The following ANKRD28 variants were observed in gnomAD, a reference collection of about 807,000 sequenced individuals.
ANKRD28 encodes the protein ankyrin repeat domain 28, also known as serine/threonine-protein phosphatase 6 regulatory ankyrin repeat subunit A.
ANKRD28 carries 44 observed loss-of-function variants against 126.5 expected under a neutral mutation model. That is an observed-to-expected ratio of 0.35 (90% CI 0.27 to 0.45). The LOEUF (loss-of-function observed/expected upper bound fraction) is 0.45. ANKRD28 is among the 20% of genes least tolerant of loss of function. The pLI, the probability that ANKRD28 is intolerant of heterozygous loss-of-function variation, is 1.00. For missense variants in ANKRD28, 1,110 were observed against 1,316.6 expected (o/e 0.84, Z 2.43); for synonymous variants, 442 against 468.5 (o/e 0.94, Z 0.73).
chr3:15,747,881 G>C (rs546320674), intron 4 of ANKRD28, among the ~76,000 whole-genome samples: 2 of 152,228 alleles, frequency 1.3e-5, no homozygotes, highest in Admixed American at 1.3e-4. Context: ...CCAGTGTTAG[G>C]AGCATACATA....
intron 18 of ANKRD28, among the ~76,000 whole-genome samples, chr3:15,688,131 T>C (rs116319857): frequency 1.9e-3 from 287 of 150,136 alleles, no homozygotes; most frequent in African/African-American, 6.5e-3. Flanking sequence ...AGGGACTGGC[T>C]AATGTCTCAG....
chr3:15,759,945 C>T (rs2058364971), intron 3 of ANKRD28, among the ~76,000 whole-genome samples: 1 of 152,150 alleles, frequency 6.6e-6, no homozygotes, highest in South Asian at 2.1e-4. Flanking sequence ...TAACCTCACA[C>T]TGCATAAGAA....
At chr3:15,779,102 A>G (rs547432540) in intron 2 of ANKRD28, among the ~76,000 whole-genome samples, 1 of 152,284 alleles carries the variant, frequency 6.6e-6, no homozygotes, top group East Asian at 1.9e-4. Flanking sequence ...TTCATAGCAG[A>G]GGGAGAACAA....
At chr3:15,713,929 C>T (rs186199421) in intron 9 of ANKRD28, among the ~76,000 whole-genome samples, 5 of 152,264 alleles carry the variant, frequency 3.3e-5, no homozygotes, top group South Asian at 2.1e-4. Context: ...AAATTAAACA[C>T]GTTTCTTTAG....
At chr3:15,695,510 G>A (rs573926539) in intron 15 of ANKRD28, among the ~76,000 whole-genome samples, 14 of 152,146 alleles carry the variant, frequency 9.2e-5, no homozygotes, top group African/African-American at 3.1e-4. Context: ...ATCTACGCTC[G>A]TTGAATTTTA....
intron 27 of ANKRD28, among the ~76,000 whole-genome samples, chr3:15,673,581 G>C (rs2066598734): frequency 6.6e-6 from 1 of 151,750 alleles, no homozygotes; most frequent in Non-Finnish European, 1.5e-5. Flanking sequence ...GGAAAGAGTG[G>C]AGCAGGTTAA....
In ANKRD28 at chr3:15,814,335, G is replaced by C. The variant is rs547070140; in HGVS notation, c.28-19029C>G. 5 of 1,238,100 alleles carry C rather than the reference G, an allele frequency of 4.0e-6. No individual in the cohort carries two copies. In the Admixed American group the frequency reaches 1.0e-4, roughly 25 times the overall value. The allele number at this position is 1,238,100 out of a possible 1,614,324, so 76.7% of individuals were successfully genotyped here. ...CTGTAGCAGAAAACAGATATCAAAA[G>C]AAAGAATACGCTGATCCTAGAAATT... is the stretch of plus-strand genomic sequence containing the variant. On this transcript the variant is annotated intron_variant, in intron 1 of 27. Transcript: ENST00000399451. The surrounding 1 kb of genome is among the most constrained non-coding windows in gnomAD (Gnocchi z 4.7).
intron 21 of ANKRD28, among the ~76,000 whole-genome samples, chr3:15,682,958 A>C (rs997982655): frequency 2.0e-5 from 3 of 152,240 alleles, no homozygotes; most frequent in African/African-American, 7.2e-5. Context: ...CCAGGCATGC[A>C]GTTCTTGCAA....
intron 6 of ANKRD28, among the ~76,000 whole-genome samples, chr3:15,728,162 T>A (rs1171770694): frequency 6.6e-6 from 1 of 151,846 alleles, no homozygotes; most frequent in Admixed American, 6.6e-5. Context: ...CATTTTTTTT[T>A]AGCAATAACA....
chr3:15,822,046 A>C (rs897346883), intron 1 of ANKRD28, among the ~76,000 whole-genome samples: 1 of 152,220 alleles, frequency 6.6e-6, no homozygotes, highest in Admixed American at 6.5e-5. Flanking sequence ...TGCATATGAA[A>C]ATAAAGGTTT....
At chr3:15,784,171 TTA>T (rs1242218280) in intron 2 of ANKRD28, among the ~76,000 whole-genome samples, 4 of 151,848 alleles carry the variant, frequency 2.6e-5, no homozygotes, top group Non-Finnish European at 5.9e-5. Flanking sequence ...AAGAAAAATG[TTA>T]TAGTCAGAAA....
At position 15,814,067 on chromosome 3, in the gene ANKRD28, G is replaced by C. The variant is rs80027796; in HGVS notation, c.28-18761C>G. On this transcript the variant is annotated intron_variant, in intron 1 of 27. Coordinates refer to the ANKRD28 transcript ENST00000399451. This position sits in a 1 kb window ranked among gnomAD's most constrained non-coding sequence, Gnocchi z 4.7. ...TATACTAAGTCTTCCACTAACACAGGGTCCACTACTATAAATGTTTCTACA... is the reference window on the plus strand; with the variant it reads ...TATACTAAGTCTTCCACTAACACAGCGTCCACTACTATAAATGTTTCTACA... Among the ~76,000 whole-genome samples the C allele has an allele frequency of 6.6e-6, 1 of 151,900 alleles. No individual in the cohort carries two copies. The highest frequency in any genetic ancestry group is 1.5e-5 in the Non-Finnish European group (1 of 68,000).
At chr3:15,859,488 A>G (rs2061858661) in exon 1 of ANKRD28, 3 of 1,303,046 alleles carry the variant, frequency 2.3e-6, no homozygotes, top group Admixed American at 4.5e-5. Flanking sequence ...CTCCCGCCCC[A>G]GTAGCCTTGG....
At chr3:15,680,658 TTTTTA>T (rs1419798120) in intron 21 of ANKRD28, among the ~76,000 whole-genome samples, 11 of 152,286 alleles carry the variant, frequency 7.2e-5, no homozygotes, top group Non-Finnish European at 1.5e-4. Flanking sequence ...TTCTGGTATT[TTTTTA>T]TTTTATTAAA....
At chr3:15,798,214 GCTTAACTGCTTT>G, upstream of ANKRD28, 11 of 966,568 alleles carry the variant, frequency 1.1e-5, no homozygotes, top group South Asian at 4.8e-5. Context: ...ATTCCAAACG[GCTTAACTGCTTT>G]CGTGTGTTAC....
chr3:15,679,546 C>T lies in ANKRD28; in HGVS notation c.2407G>A (p.Glu803Lys). ...ACYNGHETCV[E>K]LLLEQEVFQK... ...AAAACTTCCTGTTCTAAAAGCAGTT[C>T]TACACATGTCTCGTGACCTAAATAG... is the stretch of plus-strand genomic sequence containing the variant. Residue 803 changes from glutamate (E) to lysine (K), a missense_variant, in exon 22 of 28, where the codon GAA becomes AAA. By Grantham distance (56) the Glu-to-Lys change is moderately conservative. Transcript: ENST00000683139. 6.2e-7 allele frequency: 1 copy of T among 1,612,186 alleles called. No homozygotes were observed. The highest frequency in any genetic ancestry group is 1.1e-5 in the South Asian group (1 of 90,892).
chr3:15,706,734 C>T (rs1376894918), intron 14 of ANKRD28, among the ~76,000 whole-genome samples: 2 of 152,190 alleles, frequency 1.3e-5, no homozygotes, highest in Non-Finnish European at 1.5e-5. Context: ...TATTTCTCCA[C>T]ATCCTCTCCA....
intron 1 of ANKRD28, among the ~76,000 whole-genome samples, chr3:15,804,222 A>ATACAAGATAAAAGACAG (rs2060527426): frequency 6.9e-6 from 1 of 144,918 alleles, no homozygotes; most frequent in Non-Finnish European, 1.5e-5. Context: ...CCAGTACAAG[A>ATACAAGATAAAAGACAG]TAAAAGACAG....
rs566459889 is a variant in ANKRD28, at chr3:15,852,702, G to A, written c.27+6675C>T. Among the ~76,000 whole-genome samples, 5 of 151,782 alleles carry A rather than the reference G, an allele frequency of 3.3e-5. No individual in the cohort carries two copies. In the South Asian group the frequency reaches 1.0e-3, roughly 32 times the overall value. On this transcript the variant is annotated intron_variant, in intron 1 of 27. Coordinates refer to the ANKRD28 transcript ENST00000399451. The stretch of plus-strand genomic sequence containing the variant: ...CAAAAAATTAGCCAGGCATGGTGGC[G>A]GGTGCCTGTAATCCCAGCTATTTGG...
Sources: allele counts gnomAD v4.1 joint callset (sites outside exome capture counted in the v4.1 genomes callset), GRCh38; gene constraint gnomAD v4.1.1; non-coding constraint Gnocchi (gnomAD v3.1); transcripts MANE v1.5; gene names NCBI Gene and HGNC (gene_info 2026-07-23, HGNC 2026-07-21).